DLGAP2: variants seen among roughly 807,000 people sequenced by gnomAD.
DLGAP2 encodes DLG associated protein 2.
Under a neutral mutation model 100.3 loss-of-function variants are expected in DLGAP2, and 26 were observed. The ratio of observed to expected loss-of-function variants is 0.26; its 90% CI spans 0.19 to 0.36. The LOEUF (loss-of-function observed/expected upper bound fraction) is 0.36, where lower values mean the gene tolerates loss of function less well. Ranked by LOEUF, DLGAP2 falls within the 10% of genes least tolerant of loss-of-function variation. The pLI is 1.00. For missense variants in DLGAP2, 1,858 were observed against 1,453.2 expected (o/e 1.28, Z -4.53); for synonymous variants, 886 against 630.1 (o/e 1.41, Z -6.08).
intron 2 of DLGAP2, among the ~76,000 whole-genome samples, chr8:939,157 G>A (rs527335102): frequency 1.5e-5 from 2 of 136,922 alleles, no homozygotes; most frequent in South Asian, 2.7e-4. Context: ...AGACACAGGG[G>A]CTGGGGTGCC....
intron 1 of DLGAP2, among the ~76,000 whole-genome samples, chr8:901,814 G>A (rs190815731): frequency 1.7e-3 from 263 of 152,330 alleles, no homozygotes; most frequent in African/African-American, 6.1e-3. Flanking sequence ...CAAGCATCTC[G>A]TACGTTGCCA....
intron 1 of DLGAP2, among the ~76,000 whole-genome samples, chr8:834,600 T>A (rs1796839033): frequency 6.6e-6 from 1 of 152,214 alleles, no homozygotes; most frequent in Admixed American, 6.5e-5. Context: ...TAAAACACTC[T>A]GTCTTCCTTG....
intron 1 of DLGAP2, among the ~76,000 whole-genome samples, chr8:752,195 T>G (rs1274403203): frequency 6.6e-6 from 1 of 152,198 alleles, no homozygotes; most frequent in Non-Finnish European, 1.5e-5. Context: ...TTCCTCACTG[T>G]GAGGTCAGTG....
At chr8:869,955 A>C (rs1797566869) in intron 1 of DLGAP2, among the ~76,000 whole-genome samples, 1 of 152,016 alleles carries the variant, frequency 6.6e-6, no homozygotes, top group Admixed American at 6.6e-5. Context: ...TGGTTTCTTC[A>C]GGAGAGCAGG....
At chr8:897,478 A>G (rs766797617) in intron 1 of DLGAP2, among the ~76,000 whole-genome samples, 7 of 152,232 alleles carry the variant, frequency 4.6e-5, no homozygotes, top group Non-Finnish European at 8.8e-5. Context: ...TCACAGTTGT[A>G]AAAATTGTTG....
intron 3 of DLGAP2, among the ~76,000 whole-genome samples, chr8:1,270,728 C>G (rs756621508): frequency 6.6e-6 from 1 of 151,310 alleles, no homozygotes; most frequent in Admixed American, 6.6e-5. Flanking sequence ...GTGTCTCCCT[C>G]TCTCTTTGTG....
chr8:1,664,829 C>T (rs1025226322), intron 8 of DLGAP2, among the ~76,000 whole-genome samples: 1 of 152,208 alleles, frequency 6.6e-6, no homozygotes. Context: ...ACCACGTTTT[C>T]GTTTTAGTGG....
In DLGAP2 at chr8:1,128,173, G is replaced by C. The variant is rs529654656; in HGVS notation, c.74-130678G>C. Among the ~76,000 whole-genome samples the C allele has an allele frequency of 2.5e-3, 373 of 150,394 alleles. 2 individuals carry two copies. The highest frequency in any genetic ancestry group is 8.6e-3 in the African/African-American group (351 of 40,828). On this transcript the variant is annotated intron_variant, in intron 2 of 14. Transcript: ENST00000637795. The stretch of plus-strand genomic sequence containing the variant: ...GGACCTGCTCCCGGTGTTGTGTTCC[G>C]TGAGGACCTGCTCCCCGTGTTGTGT...
intron 3 of DLGAP2, among the ~76,000 whole-genome samples, chr8:1,412,247 G>A (rs1204567500): frequency 3.3e-5 from 5 of 152,148 alleles, no homozygotes; most frequent in Non-Finnish European, 5.9e-5. Context: ...CCAGCCTCCT[G>A]CTCTGAGCGC....
intron 3 of DLGAP2, among the ~76,000 whole-genome samples, chr8:1,342,058 C>G (rs758249660): frequency 1.3e-5 from 2 of 152,056 alleles, no homozygotes; most frequent in Non-Finnish European, 2.9e-5. Context: ...TGAGGTGATT[C>G]TCTCACCTCA....
intron 2 of DLGAP2, among the ~76,000 whole-genome samples, chr8:982,769 C>A (rs1460104890): frequency 6.6e-6 from 1 of 152,078 alleles, no homozygotes; most frequent in African/African-American, 2.4e-5. Flanking sequence ...AGCTGGGCTA[C>A]CTTTCGTATG....
At chr8:1,230,399 C>T (rs1305980155) in intron 2 of DLGAP2, among the ~76,000 whole-genome samples, 2 of 152,082 alleles carry the variant, frequency 1.3e-5, no homozygotes, top group East Asian at 3.9e-4. Context: ...TGATGATGGA[C>T]TGGAGGAATC....
At chr8:802,928 T>C (rs970504063) in intron 1 of DLGAP2, among the ~76,000 whole-genome samples, 1 of 152,058 alleles carries the variant, frequency 6.6e-6, no homozygotes, top group Non-Finnish European at 1.5e-5. Flanking sequence ...ACACATAGTC[T>C]AAATAAAGGA....
At chr8:1,254,388 C>T (rs1314686399) in intron 2 of DLGAP2, among the ~76,000 whole-genome samples, 2 of 152,094 alleles carry the variant, frequency 1.3e-5, no homozygotes, top group African/African-American at 4.8e-5. Flanking sequence ...ATGTTCACTC[C>T]GTTTTCCTGA....
rs1797465331 is a variant in DLGAP2 at position 1,184,834 on chromosome 8, C to G, written c.74-74017C>G. Reference sequence around the variant, plus strand: ...CTAAGTGCTCTGCGCACGTTGCACGCCTTGGCCTTATAATCTCCATGCCAG... The same window carrying G: ...CTAAGTGCTCTGCGCACGTTGCACGGCTTGGCCTTATAATCTCCATGCCAG... On this transcript the variant is annotated intron_variant, in intron 2 of 14. Transcript: ENST00000637795. 2.6e-5 allele frequency among the ~76,000 whole-genome samples: 4 copies of G among 152,264 alleles called. No individual in the cohort carries two copies. The South Asian group carries it at 8.3e-4, about 32-fold the overall frequency.
intron 1 of DLGAP2, among the ~76,000 whole-genome samples, chr8:827,411 T>G (rs1278843999): frequency 6.6e-6 from 1 of 152,212 alleles, no homozygotes; most frequent in African/African-American, 2.4e-5. Flanking sequence ...ATTTGGACTT[T>G]CAGGAATAAC....
intron 3 of DLGAP2, among the ~76,000 whole-genome samples, chr8:1,468,545 A>G (rs891617679): frequency 2.0e-5 from 3 of 152,192 alleles, no homozygotes; most frequent in African/African-American, 7.2e-5. Flanking sequence ...GTTCCAACAC[A>G]TGGATCCCAA....
Position 1,548,879 on chromosome 8 carries a change from C to G in DLGAP2, c.426C>G (p.His142Gln), listed in dbSNP as rs1801651074. 1.9e-6 allele frequency: 3 copies of G among 1,595,120 alleles called. No homozygotes were observed. The highest frequency in any genetic ancestry group is 2.5e-6 in the Non-Finnish European group (3 of 1,177,166). The change falls in exon 5 of 15, where the codon CAC becomes CAG. Residue 142 changes from histidine to glutamine, a missense_variant. By Grantham distance (24) the His-to-Gln change is conservative (BLOSUM62 0). Coordinates refer to ENST00000637795, the MANE Select transcript of DLGAP2 (RefSeq NM_001346810.2). ...RHRCSPRSSV[H>Q]SECVMMPVVL... ...GCTGCTCGCCGCGCAGCTCGGTGCA[C>G]TCGGAGTGCGTGATGATGCCGGTGG... is the stretch of plus-strand genomic sequence containing the variant.
At chr8:1,410,693 C>T (rs915750799) in intron 3 of DLGAP2, among the ~76,000 whole-genome samples, 1 of 152,192 alleles carries the variant, frequency 6.6e-6, no homozygotes, top group African/African-American at 2.4e-5. Flanking sequence ...CAGGGACACC[C>T]CATGGGCCTG....
Sources: allele counts gnomAD v4.1 joint callset (sites outside exome capture counted in the v4.1 genomes callset), GRCh38; gene constraint gnomAD v4.1.1; transcripts MANE v1.5; gene names NCBI Gene and HGNC (gene_info 2026-07-23, HGNC 2026-07-21).